Variants in MACROD2 observed in about 807,000 individuals in gnomAD.
MACROD2 encodes the protein mono-ADP ribosylhydrolase 2.
A neutral mutation model predicts 70.4 loss-of-function variants in MACROD2; 36 were observed. That is an observed-to-expected ratio of 0.51 (90% CI 0.39 to 0.68). MACROD2 has a LOEUF of 0.68. Ranked by LOEUF, MACROD2 falls within the 30% of genes least tolerant of loss-of-function variation. The probability of loss-of-function intolerance (pLI) is 0.00; values close to 1 mark genes in which losing one functional copy is unlikely to be tolerated. For missense variants in MACROD2, 496 were observed against 538.4 expected (o/e 0.92, Z 0.78); for synonymous variants, 172 against 178.8 (o/e 0.96, Z 0.30).
At chr20:15,897,446 T>A (rs717145) in intron 10 of MACROD2, among the ~76,000 whole-genome samples, 1 of 151,910 alleles carries the variant, frequency 6.6e-6, no homozygotes, top group Non-Finnish European at 1.5e-5. Flanking sequence ...TGGGCATCTT[T>A]CATTAGTTCT....
At chr20:14,005,366 GT>G (rs888526407) in intron 2 of MACROD2, among the ~76,000 whole-genome samples, 8 of 152,126 alleles carry the variant, frequency 5.3e-5, no homozygotes, top group Admixed American at 5.2e-4. Flanking sequence ...ATTAACTGTT[GT>G]TAGCTAATTT....
intron 6 of MACROD2, among the ~76,000 whole-genome samples, chr20:15,372,205 T>A (rs1046701801): frequency 6.6e-6 from 1 of 152,224 alleles, no homozygotes; most frequent in Non-Finnish European, 1.5e-5. Flanking sequence ...TGCACACATT[T>A]TTAAGAGTTG....
chr20:14,911,340 T>C lies in MACROD2; in HGVS notation c.418+226381T>C, dbSNP rs569532075. On this transcript the variant is annotated intron_variant, in intron 5 of 17. Coordinates refer to ENST00000684519, the MANE Select transcript of MACROD2 (RefSeq NM_001351661.2). ...TTTGCTAGTTGATTTTTTTTTCTTT[T>C]GTATAGCTATCAATGGCTAGAGCAA... Among the ~76,000 whole-genome samples the C allele has an allele frequency of 6.2e-4, 95 of 152,282 alleles. 1 individual carries two copies. Among genetic ancestry groups the C allele is most frequent in the Middle Eastern group, 6.8e-3 (2 of 294 alleles).
intron 3 of MACROD2, among the ~76,000 whole-genome samples, chr20:14,286,181 T>C (rs936526817): frequency 9.2e-5 from 14 of 152,168 alleles, no homozygotes; most frequent in African/African-American, 3.4e-4. Context: ...AACATTATAA[T>C]AGTTTTAAAA....
At chr20:14,311,334 G>C (rs1293521824) in intron 3 of MACROD2, among the ~76,000 whole-genome samples, 1 of 152,120 alleles carries the variant, frequency 6.6e-6, no homozygotes, top group Non-Finnish European at 1.5e-5. Context: ...ATTCAGTATA[G>C]TAACATGCGG....
intron 3 of MACROD2, among the ~76,000 whole-genome samples, chr20:14,108,006 C>A (rs1471765551): frequency 6.6e-6 from 1 of 152,058 alleles, no homozygotes; most frequent in East Asian, 1.9e-4. Context: ...GGTGTATAAA[C>A]TACTCAAGTA....
At chr20:15,469,296 T>A (rs1460404249) in intron 7 of MACROD2, among the ~76,000 whole-genome samples, 1 of 152,192 alleles carries the variant, frequency 6.6e-6, no homozygotes, top group Non-Finnish European at 1.5e-5. Context: ...GGGGATGATC[T>A]GAAATGAAAG....
intron 3 of MACROD2, among the ~76,000 whole-genome samples, chr20:14,343,548 G>GT (rs2083036473): frequency 6.6e-6 from 1 of 152,170 alleles, no homozygotes; most frequent in Non-Finnish European, 1.5e-5. Context: ...GCCAGGATCA[G>GT]TTCAAAAGAA....
chr20:15,150,407 G>T (rs1172744119), intron 5 of MACROD2, among the ~76,000 whole-genome samples: 2 of 152,118 alleles, frequency 1.3e-5, no homozygotes, highest in African/African-American at 4.8e-5. Context: ...AAGCAATTTG[G>T]TTGATAAGGC....
intron 3 of MACROD2, among the ~76,000 whole-genome samples, chr20:14,341,929 C>A (rs2083017161): frequency 6.6e-6 from 1 of 152,174 alleles, no homozygotes; most frequent in South Asian, 2.1e-4. Flanking sequence ...ATACAGTGGA[C>A]CTTTGGCAGC....
intron 6 of MACROD2, among the ~76,000 whole-genome samples, chr20:15,294,387 A>G (rs753000111): frequency 2.6e-5 from 4 of 152,110 alleles, no homozygotes; most frequent in African/African-American, 7.2e-5. Flanking sequence ...ACCTGGGGCT[A>G]TGCCTGCCTT....
chr20:14,533,901 G>A (rs994793039), intron 4 of MACROD2, among the ~76,000 whole-genome samples: 5 of 152,082 alleles, frequency 3.3e-5, no homozygotes, highest in Admixed American at 6.6e-5. Context: ...TTTTGGATAC[G>A]CTTTAATGTG....
chr20:15,485,537 T>C (rs1187892418), intron 7 of MACROD2, among the ~76,000 whole-genome samples: 1 of 152,174 alleles, frequency 6.6e-6, no homozygotes, highest in Non-Finnish European at 1.5e-5. Context: ...GTTTCCTTAT[T>C]CTACCACAAA....
At chr20:15,294,107 G>A (rs1398009578) in intron 6 of MACROD2, among the ~76,000 whole-genome samples, 1 of 131,748 alleles carries the variant, frequency 7.6e-6, no homozygotes, top group Non-Finnish European at 1.6e-5. Context: ...GGTGACAAGA[G>A]CAAAACTCTG....
chr20:14,871,438 G>A (rs2073487484), intron 5 of MACROD2, among the ~76,000 whole-genome samples: 1 of 152,050 alleles, frequency 6.6e-6, no homozygotes, highest in South Asian at 2.1e-4. Flanking sequence ...ATAATTGAAG[G>A]AGAAATAAGA....
At chr20:14,118,109 C>T (rs2054537719) in intron 3 of MACROD2, among the ~76,000 whole-genome samples, 1 of 152,106 alleles carries the variant, frequency 6.6e-6, no homozygotes, top group Non-Finnish European at 1.5e-5. Flanking sequence ...GAGTTTGTGG[C>T]AATTTGTTAT....
At position 14,085,691 on chromosome 20, in the gene MACROD2, C is replaced by T. The variant is rs1373451067; in HGVS notation, c.234C>T (p.Asp78=). ...LTEKVSLYRG[D]ITLLEVDAIV... is the part of the protein sequence containing the mutation. ...AAAAAGTTTCTCTCTATAGAGGTGA[C>T]ATCACATTGCTAGAGGTAGATGCTA... The change falls in exon 3 of 18, where the codon GAC becomes GAT. Residue 78 remains aspartate (D), a synonymous_variant. Coordinates refer to ENST00000684519, the MANE Select transcript of MACROD2 (RefSeq NM_001351661.2). 1 of 1,567,568 alleles carries T rather than the reference C, an allele frequency of 6.4e-7. No homozygotes were observed. The highest frequency in any genetic ancestry group is 8.7e-7 in the Non-Finnish European group (1 of 1,155,914).
intron 7 of MACROD2, among the ~76,000 whole-genome samples, chr20:15,492,619 G>A (rs2047245929): frequency 6.6e-6 from 1 of 152,174 alleles, no homozygotes; most frequent in African/African-American, 2.4e-5. Context: ...CTGTTCAACT[G>A]ATGTCAACAT....
intron 4 of MACROD2, among the ~76,000 whole-genome samples, chr20:14,653,173 C>T (rs1355878936): frequency 2.0e-5 from 3 of 151,968 alleles, no homozygotes; most frequent in Admixed American, 1.3e-4. Flanking sequence ...ACCTCAGCCT[C>T]CCAAGTAGCT....
Sources: gnomAD v4.1 joint callset for allele counts (sites outside exome capture counted in the v4.1 genomes callset) on GRCh38, gnomAD v4.1.1 for gene constraint, MANE v1.5 for transcripts, NCBI Gene and HGNC (gene_info 2026-07-23, HGNC 2026-07-21) for gene names.